Variants in HLA-DQA1 observed in about 807,000 individuals in gnomAD.
HLA-DQA1 encodes the protein HLA class II histocompatibility antigen, DQ alpha 1 chain.
In HLA-DQA1, 10 loss-of-function variants were observed where a neutral mutation model predicts 20.7. The ratio of observed to expected loss-of-function variants is 0.48; its 90% CI spans 0.30 to 0.82. The LOEUF (loss-of-function observed/expected upper bound fraction) is 0.82. Ranked by LOEUF, HLA-DQA1 falls within the 40% of genes least tolerant of loss-of-function variation. The pLI, the probability that HLA-DQA1 is intolerant of heterozygous loss-of-function variation, is 0.07. For synonymous variants in HLA-DQA1, 39 were observed against 109.2 expected (o/e 0.36, Z 4.01); for missense variants, 127 against 293.0 (o/e 0.43, Z 4.14).
chr6:32,655,087 CA>C, the HLA-DQA1 span, among the ~76,000 whole-genome samples: 7,291 of 68,546 alleles, frequency 0.11, 602 homozygotes, highest in Middle Eastern at 0.14. Context: ...ATTCATACCA[CA>C]AAAAAAGTGA....
Position 32,640,818 on chromosome 6 carries a change from A to ACTT in HLA-DQA1, c.83-492_83-491insCTT, listed in dbSNP as rs879387480. 4.0e-5 allele frequency among the ~76,000 whole-genome samples: 2 copies of ACTT among 50,558 alleles called. 1 individual carries two copies. Among genetic ancestry groups the ACTT allele is most frequent in the African/African-American group, 1.2e-4 (2 of 17,056 alleles). 33.2% of individuals were successfully genotyped at this position (50,558 alleles called of 152,430 possible). On this transcript the variant is annotated intron_variant, in intron 1 of 4. Transcript: ENST00000343139. The stretch of plus-strand genomic sequence containing the variant: ...ATCCTGCATGCTTTTCCTTTAAAAA[A>ACTT]AAAAAAAAGAAAGATCTCTGTGTAG...
chr6:32,638,126 T>C (rs535725525), intron 1 of HLA-DQA1, among the ~76,000 whole-genome samples: 1 of 130,536 alleles, frequency 7.7e-6, no homozygotes, highest in African/African-American at 2.8e-5. Context: ...AGCTGCCTCA[T>C]ATGTGTCACC....
intron 1 of HLA-DQA1, among the ~76,000 whole-genome samples, chr6:32,638,699 G>A (rs527732063): frequency 0.083 from 6,372 of 76,682 alleles, 1,327 homozygotes; most frequent in Admixed American, 0.11. Flanking sequence ...GAAAGAAAGC[G>A]AGGAAGGAAG....
intron 1 of HLA-DQA1, among the ~76,000 whole-genome samples, chr6:32,640,412 A>C: frequency 1.0e-5 from 1 of 100,312 alleles, no homozygotes; most frequent in Admixed American, 1.2e-4. Context: ...AAAAAAGTCC[A>C]GTTTGGCTCA....
downstream of HLA-DQA1, chr6:32,645,858 T>TTGTGTGTG (rs9282055): frequency 0.017 from 1,119 of 67,486 alleles, 353 homozygotes; most frequent in Middle Eastern, 0.058. Flanking sequence ...TTGTGTGCAT[T>TTGTGTGTG]TGTGTGTGTG....
At chr6:32,641,111 G>T (rs9272675) in intron 1 of HLA-DQA1, among the ~76,000 whole-genome samples, 199 bp from the exon 2 acceptor site, 11,869 of 73,950 alleles carry the variant, frequency 0.16, 2,128 homozygotes, top group East Asian at 0.22. Flanking sequence ...GCGCACACTA[G>T]AGTGGGAAAG....
At chr6:32,654,477 T>C in the HLA-DQA1 span, among the ~76,000 whole-genome samples, 3,459 of 104,304 alleles carry the variant, frequency 0.033, 89 homozygotes, top group Middle Eastern at 0.075. Context: ...TTATTAAAAA[T>C]GGCTTAGTTT....
downstream of HLA-DQA1, among the ~76,000 whole-genome samples, chr6:32,649,386 CT>C (rs1217092734): frequency 1.8e-3 from 174 of 96,900 alleles, 54 homozygotes; most frequent in African/African-American, 5.9e-3. Context: ...GCAAAGAAAC[CT>C]AAGCAAAAAG....
Position 32,642,604 on chromosome 6 carries a change from C to A in HLA-DQA1, c.614-6C>A. ...CATTCTGACCTCAACAACTTCACTT[C>A]CACAGAGCCTGAGATTCCAGCCCCT... On this transcript the variant is annotated splice_region_variant and splice_polypyrimidine_tract_variant and intron_variant, in intron 3 of 4. Coordinates refer to ENST00000343139, the MANE Select transcript of HLA-DQA1 (RefSeq NM_002122.5). 1 of 1,369,600 alleles carries A rather than the reference C, an allele frequency of 7.3e-7. No individual in the cohort carries two copies. The highest frequency in any genetic ancestry group is 1.0e-6 in the Non-Finnish European group (1 of 991,240). 84.8% of individuals were successfully genotyped at this position (1,369,600 alleles called of 1,614,324 possible). A position where few individuals can be genotyped will look rare whatever the true frequency, so the allele number is the denominator to read the frequency against.
chr6:32,642,621 C>A lies in HLA-DQA1; in HGVS notation c.625C>A (p.Pro209Thr). ...PLLKHWEPEIPAPMSELTETV... is the reference protein window; with the variant it reads ...PLLKHWEPEITAPMSELTETV... ...CTTCACTTCCACAGAGCCTGAGATT[C>A]CAGCCCCTATGTCAGAGCTCACAGA... Residue 209 changes from proline (P) to threonine (T), a missense_variant, in exon 4 of 5, where the codon CCA becomes ACA. Around this residue, in one of 4 missense-constraint regions of HLA-DQA1, gnomAD observed 46 missense variants for 152.1 expected, o/e 0.30. Transcript: ENST00000343139. 1 of 1,373,888 alleles carries A rather than the reference C, an allele frequency of 7.3e-7. No homozygotes were observed. Among genetic ancestry groups the A allele is most frequent in the Admixed American group, 1.9e-5 (1 of 51,720 alleles). 85.1% of individuals were successfully genotyped at this position (1,373,888 alleles called of 1,614,324 possible).
chr6:32,651,588 C>CAAAAAAAAAAAAAAAAA (rs70996710), downstream of HLA-DQA1, among the ~76,000 whole-genome samples: 82 of 15,218 alleles, frequency 5.4e-3, 6 homozygotes, highest in East Asian at 8.4e-3. Flanking sequence ...CGTCTCAAAG[C>CAAAAAAAAAAAAAAAAA]AAAAAAAAAA....
chr6:32,639,439 C>T (rs1419655593), intron 1 of HLA-DQA1: 3 of 98,438 alleles, frequency 3.0e-5, no homozygotes, highest in Non-Finnish European at 6.8e-5. Context: ...ATGACTGATC[C>T]TGGCCTTCGT....
the HLA-DQA1 span, among the ~76,000 whole-genome samples, chr6:32,654,432 C>CAAAA: frequency 7.9e-6 from 1 of 126,264 alleles, no homozygotes; most frequent in Non-Finnish European, 1.7e-5. Context: ...CCAGGATCCT[C>CAAAA]TCTGTATACC....
intron 3 of HLA-DQA1, 121 bp downstream of exon 3, chr6:32,642,374 T>A (rs62404092): frequency 0.2 from 108,745 of 554,116 alleles, 32,335 homozygotes; most frequent in South Asian, 0.4. Flanking sequence ...TTTCTGTCTC[T>A]CTTTTTTTTT....
At chr6:32,645,164 C>G (rs1781811790), downstream of HLA-DQA1, 2 of 151,330 alleles carry the variant, frequency 1.3e-5, no homozygotes, top group Admixed American at 1.3e-4. Context: ...TAATGATGTG[C>G]CAATGTAAGT....
the HLA-DQA1 span, among the ~76,000 whole-genome samples, chr6:32,653,613 C>T: frequency 1.1e-4 from 11 of 100,406 alleles, 4 homozygotes; most frequent in Non-Finnish European, 2.2e-4. Context: ...AAAAATAGAA[C>T]TACCACATGA....
chr6:32,652,949 T>C, the HLA-DQA1 span, among the ~76,000 whole-genome samples: 79,858 of 145,390 alleles, frequency 0.55, 23,609 homozygotes, highest in Middle Eastern at 0.7. Context: ...TGTAAGAGCC[T>C]TTCAGAGTTG....
chr6:32,650,821 C>T (rs1282812386), downstream of HLA-DQA1, among the ~76,000 whole-genome samples: 2 of 79,738 alleles, frequency 2.5e-5, 1 homozygote, highest in African/African-American at 8.8e-5. Context: ...GCACGTTGTG[C>T]ACATGTACCC....
the HLA-DQA1 span, among the ~76,000 whole-genome samples, chr6:32,652,986 C>A: frequency 1.3e-5 from 2 of 149,310 alleles, no homozygotes; most frequent in African/African-American, 2.5e-5. Context: ...GGGTTTAGGA[C>A]ATTTATACCC....
Sources: allele counts gnomAD v4.1 joint callset (sites outside exome capture counted in the v4.1 genomes callset), GRCh38; gene constraint gnomAD v4.1.1; regional missense constraint gnomAD v4.1.1; transcripts MANE v1.5; gene names NCBI Gene and HGNC (gene_info 2026-07-23, HGNC 2026-07-21).